Variants in RYR2 observed in about 807,000 individuals in gnomAD.
The protein encoded by RYR2 is ryanodine receptor 2.
RYR2 carries 227 observed loss-of-function variants against 601.1 expected under a neutral mutation model. That is an observed-to-expected ratio of 0.38 (90% CI 0.34 to 0.42). The LOEUF (loss-of-function observed/expected upper bound fraction) is 0.42. Among genes scored for constraint, RYR2 ranks in the 10% least tolerant of loss-of-function variants. The pLI is 1.00. For missense variants in RYR2, 4,646 were observed against 6,156.5 expected, an observed-to-expected ratio of 0.75 and a Z score of 8.21; for synonymous variants, 2,223 against 2,175.1, an observed-to-expected ratio of 1.02 and a Z score of -0.61.
intron 80 of RYR2, among the ~76,000 whole-genome samples, chr1:237,746,722 C>T (rs1692110590): frequency 6.6e-6 from 1 of 151,828 alleles, no homozygotes; most frequent in African/African-American, 2.4e-5. Context: ...CTATCAAAAG[C>T]ATTAAAAAGA....
At chr1:237,740,282 G>C (rs1187904736) in intron 79 of RYR2, among the ~76,000 whole-genome samples, 1 of 152,116 alleles carries the variant, frequency 6.6e-6, no homozygotes, top group African/African-American at 2.4e-5. Context: ...AAGCTAATTA[G>C]TAGAAGTTTA....
intron 2 of RYR2, among the ~76,000 whole-genome samples, chr1:237,282,367 T>G (rs1690986044): frequency 6.6e-6 from 1 of 152,186 alleles, no homozygotes; most frequent in Non-Finnish European, 1.5e-5. Context: ...AATTTCATAT[T>G]TTCATGTGCC....
At chr1:237,066,646 T>C (rs1330809999) in intron 1 of RYR2, among the ~76,000 whole-genome samples, 25 of 152,064 alleles carry the variant, frequency 1.6e-4, no homozygotes, top group Non-Finnish European at 3.4e-4. Context: ...TCTTTCTTTT[T>C]TTTTTTTTTC....
intron 2 of RYR2, among the ~76,000 whole-genome samples, chr1:237,319,810 G>C (rs375003806): frequency 6.6e-6 from 1 of 152,300 alleles, no homozygotes; most frequent in South Asian, 2.1e-4. Context: ...TGCAACTTCA[G>C]TCAAAAATAT....
chr1:237,613,529 C>T (rs750336825), intron 36 of RYR2, among the ~76,000 whole-genome samples: 21 of 152,174 alleles, frequency 1.4e-4, no homozygotes, highest in Admixed American at 3.9e-4. Context: ...TACAGTGGCG[C>T]GATCTCGGCT....
intron 6 of RYR2, among the ~76,000 whole-genome samples, chr1:237,373,893 A>C (rs1700828777): frequency 6.6e-6 from 1 of 152,236 alleles, no homozygotes; most frequent in African/African-American, 2.4e-5. Context: ...AATAGTCTTC[A>C]AATTTGTTTG....
At chr1:237,735,537 G>A (rs1691064285) in intron 79 of RYR2, among the ~76,000 whole-genome samples, 1 of 152,102 alleles carries the variant, frequency 6.6e-6, no homozygotes, top group African/African-American at 2.4e-5. Flanking sequence ...CAGGACATAA[G>A]GGAAAAGCCA....
chr1:237,399,488 A>T (rs1192035875), intron 10 of RYR2, among the ~76,000 whole-genome samples: 2 of 152,112 alleles, frequency 1.3e-5, no homozygotes, highest in African/African-American at 2.4e-5. Flanking sequence ...TTGGATATAA[A>T]ATACTCCAGG....
intron 87 of RYR2, among the ~76,000 whole-genome samples, chr1:237,776,915 G>GC (rs752927599): frequency 1.1e-4 from 16 of 152,248 alleles, no homozygotes; most frequent in East Asian, 9.7e-4. Flanking sequence ...GCATCTGGTG[G>GC]CCCCCATCCA....
In RYR2 at chr1:237,717,315, T is replaced by G; in HGVS notation, c.10441T>G (p.Cys3481Gly). ...KRLLPIGLNI[C>G]APGDQELIAL... ...GTTACTGCCCATTGGGTTGAACATC[T>G]GTGCCCCTGGGGACCAGGAGCTCAT... is the stretch of plus-strand genomic sequence containing the variant. The change falls in exon 72 of 105, where the codon TGT (cysteine) becomes GGT (glycine). Residue 3481 changes from cysteine to glycine, a missense_variant. By Grantham distance (159) the Cys-to-Gly change is radical (BLOSUM62 -3). Transcript: ENST00000366574. 1 of 1,612,756 alleles carries G rather than the reference T, an allele frequency of 6.2e-7. No homozygotes were observed. Among genetic ancestry groups the G allele is most frequent in the Non-Finnish European group, 8.5e-7 (1 of 1,179,080 alleles).
chr1:237,659,927 C>T, intron 54 of RYR2, 58 bp from the exon 55 acceptor site: 1 of 1,164,354 alleles, frequency 8.6e-7, no homozygotes, highest in South Asian at 1.5e-5. Flanking sequence ...ACCTGCATAT[C>T]TACAATCTCT....
intron 52 of RYR2, 73 bp from the exon 53 acceptor site, chr1:237,655,748 G>T: frequency 2.1e-6 from 3 of 1,402,242 alleles, no homozygotes; most frequent in Non-Finnish European, 2.9e-6. Flanking sequence ...GCAACCTTCT[G>T]TCAGCCCTGA....
intron 84 of RYR2, among the ~76,000 whole-genome samples, chr1:237,765,761 G>GTAA (rs1244195080): frequency 6.6e-6 from 1 of 152,132 alleles, no homozygotes; most frequent in East Asian, 1.9e-4. Flanking sequence ...TTGGTTCGTG[G>GTAA]CACCAAATAC....
chr1:237,574,993 G>A (rs781383775), intron 29 of RYR2, among the ~76,000 whole-genome samples: 1 of 152,072 alleles, frequency 6.6e-6, no homozygotes, highest in African/African-American at 2.4e-5. Context: ...ATAGAAAACC[G>A]GTATGTTGAT....
chr1:237,362,040 T>C (rs753050328), intron 4 of RYR2, among the ~76,000 whole-genome samples: 12 of 152,204 alleles, frequency 7.9e-5, no homozygotes, highest in Non-Finnish European at 1.6e-4. Context: ...TGTGTTAAAA[T>C]GTAGCAATAG....
intron 1 of RYR2, among the ~76,000 whole-genome samples, chr1:237,104,954 C>T (rs990623845): frequency 1.4e-4 from 22 of 152,194 alleles, no homozygotes; most frequent in African/African-American, 4.3e-4. Context: ...GTCTTCTCAA[C>T]GGTCTGATGG....
intron 80 of RYR2, among the ~76,000 whole-genome samples, chr1:237,743,417 T>G (rs1691790514): frequency 6.6e-6 from 1 of 152,212 alleles, no homozygotes; most frequent in Admixed American, 6.5e-5. Flanking sequence ...TAATCTTTTC[T>G]AATGTATATG....
intron 10 of RYR2, among the ~76,000 whole-genome samples, chr1:237,412,918 C>A (rs1457066188): frequency 6.6e-6 from 1 of 152,050 alleles, no homozygotes; most frequent in Non-Finnish European, 1.5e-5. Context: ...AACAATTGTC[C>A]TCCTAGACTC....
rs148160220 is a variant in RYR2, at chr1:237,364,411, C to A, written c.309+39C>A. 1.9e-3 allele frequency: 2,188 copies of A among 1,153,082 alleles called. 29 individuals carry two copies. The African/African-American group carries it at 0.03, about 16-fold the overall frequency. The allele number at this position is 1,153,082 out of a possible 1,614,324, so 71.4% of individuals were successfully genotyped here. ...ATATATATGCTATGTATATATATAGCAGATATATTACTATATATGGATTAT... is the reference window on the plus strand; with the variant it reads ...ATATATATGCTATGTATATATATAGAAGATATATTACTATATATGGATTAT... On this transcript the variant is annotated intron_variant, in intron 5 of 104. Coordinates refer to ENST00000366574, the MANE Select transcript of RYR2 (RefSeq NM_001035.3).
Sources: gnomAD v4.1 joint callset for allele counts (sites outside exome capture counted in the v4.1 genomes callset) on GRCh38, gnomAD v4.1.1 for gene constraint, MANE v1.5 for transcripts, NCBI Gene and HGNC (gene_info 2026-07-23, HGNC 2026-07-21) for gene names.